The following SERPINH1 variants were observed in gnomAD, a reference collection of about 807,000 sequenced individuals.
The protein encoded by SERPINH1 is serpin H1.
Under a neutral mutation model 32.3 loss-of-function variants are expected in SERPINH1, and 22 were observed. The ratio of observed to expected loss-of-function variants is 0.68; its 90% CI spans 0.49 to 0.97. SERPINH1 has a LOEUF of 0.97. SERPINH1 is among the 50% of genes least tolerant of loss of function. SERPINH1 has a pLI of 0.00. For synonymous variants in SERPINH1, 251 were observed against 245.9 expected, an observed-to-expected ratio of 1.02 and a Z score of -0.19; for missense variants, 543 against 576.4, an observed-to-expected ratio of 0.94 and a Z score of 0.59.
chr11:75,566,892 C>T lies in SERPINH1; in HGVS notation c.543C>T (p.Thr181=), dbSNP rs1166332198. 4.4e-6 allele frequency: 7 copies of T among 1,609,114 alleles called. No homozygotes were observed. Among genetic ancestry groups the T allele is most frequent in the Non-Finnish European group, 5.9e-6 (7 of 1,179,942 alleles). The change falls in exon 2 of 5, where the codon ACC becomes ACT. Residue 181 remains threonine, a synonymous_variant. Transcript: ENST00000358171. Reference sequence around the variant, plus strand: ...TCAACGAGTGGGCCGCGCAGACCACCGACGGCAAGCTGCCCGAGGTCACCA... The same window carrying T: ...TCAACGAGTGGGCCGCGCAGACCACTGACGGCAAGCTGCCCGAGGTCACCA... ...QSINEWAAQT[T]DGKLPEVTKD...
In SERPINH1 at chr11:75,572,118, C is replaced by T. The variant is rs569709941; in HGVS notation, c.*35C>T. Reference sequence around the variant, plus strand: ...GTGCACACAGGATGGCAGGAGGCATCCAAAGGCTCCTGAGACACATGGGTG... The same window carrying T: ...GTGCACACAGGATGGCAGGAGGCATTCAAAGGCTCCTGAGACACATGGGTG... On this transcript the variant is annotated 3_prime_UTR_variant, in exon 5 of 5. Coordinates refer to ENST00000358171, the MANE Select transcript of SERPINH1 (RefSeq NM_001235.5). 53 of 1,604,262 alleles carry T rather than the reference C, an allele frequency of 3.3e-5. 1 individual carries two copies. The South Asian group carries it at 5.6e-4, about 17-fold the overall frequency.
chr11:75,567,061 C>A, intron 2 of SERPINH1, 90 bp downstream of exon 2: 1 of 1,398,296 alleles, frequency 7.2e-7, no homozygotes. Context: ...CCATTCTTCA[C>A]TGCCTCTCAT....
In SERPINH1 at chr11:75,566,673, C is replaced by T. The variant is rs1374924761; in HGVS notation, c.324C>T (p.His108=). Residue 108 remains histidine, a synonymous_variant, in exon 2 of 5, where the codon CAC becomes CAT. Transcript: ENST00000358171. ...AGCAGCTGCGCGACGAGGAGGTGCA[C>T]GCCGGCCTGGGCGAGCTGCTGCGCT... ...SAEQLRDEEV[H]AGLGELLRSL... 1.9e-6 allele frequency: 3 copies of T among 1,608,618 alleles called. No homozygotes were observed. Among genetic ancestry groups the T allele is most frequent in the Non-Finnish European group, 2.5e-6 (3 of 1,178,234 alleles).
rs964778897 is a variant in SERPINH1 at position 75,572,218 on chromosome 11, G to T, written c.*135G>T. On this transcript the variant is annotated 3_prime_UTR_variant, in exon 5 of 5. Transcript: ENST00000358171. ...GGTGGGGGTGGAAAAACAGACCGGGGTTCCCGTGTGCCTGAGCGGACCTTC... is the reference window on the plus strand; with the variant it reads ...GGTGGGGGTGGAAAAACAGACCGGGTTTCCCGTGTGCCTGAGCGGACCTTC... 8.2e-6 allele frequency: 7 copies of T among 850,866 alleles called. No individual in the cohort carries two copies. In the African/African-American group the frequency reaches 1.0e-4, roughly 12 times the overall value. 52.7% of individuals were successfully genotyped at this position (850,866 alleles called of 1,614,324 possible).
At chr11:75,564,616 G>T (rs1942040540) in intron 1 of SERPINH1, among the ~76,000 whole-genome samples, 1 of 152,156 alleles carries the variant, frequency 6.6e-6, no homozygotes, top group African/African-American at 2.4e-5. Context: ...TCCAGTTCTG[G>T]CAGGGAAGGA....
chr11:75,566,602 G>A lies in SERPINH1; in HGVS notation c.253G>A (p.Gly85Ser), dbSNP rs1208647821. 4 of 1,607,800 alleles carry A rather than the reference G, an allele frequency of 2.5e-6. No homozygotes were observed. The highest frequency in any genetic ancestry group is 1.3e-5 in the African/African-American group (1 of 74,850). Reference sequence around the variant, plus strand: ...GTCGCTAGGGCTCGTGTCGCTGGGCGGCAAGGCGACCACGGCGTCGCAGGC... The same window carrying A: ...GTCGCTAGGGCTCGTGTCGCTGGGCAGCAAGGCGACCACGGCGTCGCAGGC... ...ASSLGLVSLG[G>S]KATTASQAKA... The change falls in exon 2 of 5, where the codon GGC (glycine) becomes AGC (serine). Residue 85 changes from glycine to serine, a missense_variant. Transcript: ENST00000358171.
At chr11:75,569,396 G>A (rs1047196184) in intron 4 of SERPINH1, 1 of 575,326 alleles carries the variant, frequency 1.7e-6, no homozygotes, top group Non-Finnish European at 3.1e-6. Flanking sequence ...TGTATGCTAG[G>A]CGTTCTTCTA....
chr11:75,566,714 C>T lies in SERPINH1; in HGVS notation c.365C>T (p.Thr122Met), dbSNP rs769945594. ...CTGCTGCGCTCACTCAGCAACTCCA[C>T]GGCGCGCAACGTGACCTGGAAGCTG... ...GELLRSLSNS[T>M]ARNVTWKLGS... Residue 122 changes from threonine to methionine, a missense_variant, in exon 2 of 5, where the codon ACG (threonine) becomes ATG (methionine). Transcript: ENST00000358171. The T allele has an allele frequency of 3.7e-6, 6 of 1,611,998 alleles. No individual in the cohort carries two copies. The highest frequency in any genetic ancestry group is 2.7e-5 in the African/African-American group (2 of 74,930).
At chr11:75,567,071 T>C in intron 2 of SERPINH1, 100 bp downstream of exon 2, 1 of 1,338,680 alleles carries the variant, frequency 7.5e-7, no homozygotes, top group Non-Finnish European at 1.0e-6. Context: ...CTGCCTCTCA[T>C]TTATGCTGTG....
intron 4 of SERPINH1, among the ~76,000 whole-genome samples, chr11:75,570,158 A>G (rs1161421659): frequency 6.6e-6 from 1 of 152,124 alleles, no homozygotes; most frequent in Non-Finnish European, 1.5e-5. Flanking sequence ...CTTTTTGTCA[A>G]TCGAGAGATA....
rs201566218 is a variant in SERPINH1 at position 75,572,034 on chromosome 11, T to C, written c.1208T>C (p.Ile403Thr). 6.3e-5 allele frequency: 102 copies of C among 1,614,034 alleles called. No individual in the cohort carries two copies. The highest frequency in any genetic ancestry group is 1.2e-4 in the Admixed American group (7 of 60,014). Residue 403 changes from isoleucine to threonine, a missense_variant, in exon 5 of 5, where the codon ATT (isoleucine) becomes ACT (threonine). Coordinates refer to ENST00000358171, the MANE Select transcript of SERPINH1 (RefSeq NM_001235.5). Reference protein sequence around the residue: ...RDTQSGSLLFIGRLVRPKGDK... With the variant: ...RDTQSGSLLFTGRLVRPKGDK... ...ACCCAAAGCGGCTCCCTGCTATTCA[T>C]TGGGCGCCTGGTCCGGCCTAAGGGT...
At position 75,572,186 on chromosome 11, in the gene SERPINH1, T is replaced by G; in HGVS notation, c.*103T>G. On this transcript the variant is annotated 3_prime_UTR_variant, in exon 5 of 5. Transcript: ENST00000358171. ...GAGGTGAGGTACCAGCCTTGGATAC[T>G]CCATGGGGTGGGGGTGGAAAAACAG... The G allele has an allele frequency of 2.3e-4, 226 of 982,726 alleles. No homozygotes were observed. The highest frequency in any genetic ancestry group is 2.7e-4 in the Non-Finnish European group (174 of 643,440). 60.9% of individuals were successfully genotyped at this position (982,726 alleles called of 1,614,324 possible).
In SERPINH1 at chr11:75,571,667, G is replaced by A; in HGVS notation, c.955-114G>A. Reference sequence around the variant, plus strand: ...ATGCCTGGCATACAGAAGGTGACCAGGGGGTGGTTCTCTCCTCTCTGAGGA... The same window carrying A: ...ATGCCTGGCATACAGAAGGTGACCAAGGGGTGGTTCTCTCCTCTCTGAGGA... On this transcript the variant is annotated intron_variant, in intron 4 of 4. Transcript: ENST00000358171. The A allele has an allele frequency of 3.3e-6, 3 of 916,060 alleles. No homozygotes were observed. In the South Asian group the frequency reaches 4.1e-5, roughly 13 times the overall value. The allele number at this position is 916,060 out of a possible 1,614,324, so 56.7% of individuals were successfully genotyped here. A position where few individuals can be genotyped will look rare whatever the true frequency, so the allele number is the denominator to read the frequency against.
At chr11:75,570,137 A>G (rs935634298) in intron 4 of SERPINH1, among the ~76,000 whole-genome samples, 6 of 152,264 alleles carry the variant, frequency 3.9e-5, no homozygotes, top group East Asian at 1.9e-4. Flanking sequence ...AGGTAAAAAC[A>G]TAATAGCCGC....
Position 75,569,047 on chromosome 11 carries a change from C to G in SERPINH1, c.830C>G (p.Pro277Arg). 6.2e-7 allele frequency: 1 copy of G among 1,614,202 alleles called. No homozygotes were observed. The highest frequency in any genetic ancestry group is 8.5e-7 in the Non-Finnish European group (1 of 1,180,006). Residue 277 changes from proline (P) to arginine (R), a missense_variant, in exon 4 of 5, where the codon CCT becomes CGT. Transcript: ENST00000358171. ...ATCCTCATGCCCCATCACGTGGAGC[C>G]TCTCGAGCGCCTTGAAAAGCTGCTA... ...LIILMPHHVE[P>R]LERLEKLLTK...
At chr11:75,567,682 A>C (rs1942115792) in intron 2 of SERPINH1, 1 of 152,336 alleles carries the variant, frequency 6.6e-6, no homozygotes, top group Non-Finnish European at 1.5e-5. Flanking sequence ...TTTCACAGTG[A>C]GGAAACTGAG....
chr11:75,567,236 C>T (rs1390330043), intron 2 of SERPINH1, among the ~76,000 whole-genome samples: 2 of 152,218 alleles, frequency 1.3e-5, no homozygotes, highest in Non-Finnish European at 2.9e-5. Flanking sequence ...TCAAAGTGCT[C>T]GTCCTTGTGT....
chr11:75,566,400 GGCCGCCGAGGTGAAGAAACCTGCA>G lies in SERPINH1; in HGVS notation c.57_80del (p.Glu20_Ala27del). 6.2e-7 allele frequency: 1 copy of G among 1,610,562 alleles called. No homozygotes were observed. Among genetic ancestry groups the G allele is most frequent in the Non-Finnish European group, 8.5e-7 (1 of 1,179,190 alleles). On this transcript the variant is annotated inframe_deletion, in exon 2 of 5. Transcript: ENST00000358171. The stretch of plus-strand genomic sequence containing the variant: ...CCTTCTGCCTCCTGGAGGCGGCCCT[GGCCGCCGAGGTGAAGAAACCTGCA>G]GCCGCAGCAGCTCCTGGCACTGCGG...
At chr11:75,567,414 G>C (rs766239434) in intron 2 of SERPINH1, among the ~76,000 whole-genome samples, 4 of 152,142 alleles carry the variant, frequency 2.6e-5, no homozygotes, top group African/African-American at 7.2e-5. Flanking sequence ...CTTGGCCTCC[G>C]GGCTTCAAGC....
Sources: gnomAD v4.1 joint callset for allele counts (sites outside exome capture counted in the v4.1 genomes callset) on GRCh38, gnomAD v4.1.1 for gene constraint, MANE v1.5 for transcripts, NCBI Gene and HGNC (gene_info 2026-07-23, HGNC 2026-07-21) for gene names.